Variants in KDR observed in about 807,000 individuals in gnomAD.
KDR encodes kinase insert domain receptor.
KDR carries 43 observed loss-of-function variants against 160.9 expected under a neutral mutation model. The ratio of observed to expected loss-of-function variants is 0.27; its 90% CI spans 0.21 to 0.34. The LOEUF (loss-of-function observed/expected upper bound fraction) is 0.34. Among genes scored for constraint, KDR ranks in the 10% least tolerant of loss-of-function variants. The pLI is 1.00. For synonymous variants in KDR, 617 were observed against 600.1 expected, an observed-to-expected ratio of 1.03 and a Z score of -0.41; for missense variants, 1,469 against 1,666.4, an observed-to-expected ratio of 0.88 and a Z score of 2.06.
rs373075572 is a variant in KDR at position 55,102,358 on chromosome 4, T to C, written c.2134+4A>G. 8.9e-5 allele frequency: 143 copies of C among 1,613,474 alleles called. No individual in the cohort carries two copies. The highest frequency in any genetic ancestry group is 1.1e-4 in the Non-Finnish European group (131 of 1,179,584). ...CCCAAGAGTGATAGCCAAATTCTAT[T>C]TACCTGAGTCTTCTACAAGGGTCTC... is the stretch of plus-strand genomic sequence containing the variant. On this transcript the variant is annotated splice_donor_region_variant and intron_variant, in intron 14 of 29. Coordinates refer to ENST00000263923, the MANE Select transcript of KDR (RefSeq NM_002253.4).
intron 3 of KDR, among the ~76,000 whole-genome samples, chr4:55,117,012 G>A (rs1365020856): frequency 2.6e-5 from 4 of 152,108 alleles, no homozygotes; most frequent in African/African-American, 9.7e-5. Context: ...AATAAACAGT[G>A]CTAGGGATTG....
At position 55,104,697 on chromosome 4, in the gene KDR, G is replaced by C. The variant is rs774211387; in HGVS notation, c.1933C>G (p.Gln645Glu). The C allele has an allele frequency of 1.4e-5, 23 of 1,613,700 alleles. No individual in the cohort carries two copies. Among genetic ancestry groups the C allele is most frequent in the Non-Finnish European group, 1.9e-5 (23 of 1,179,866 alleles). Residue 645 changes from glutamine (Q) to glutamate (E), a missense_variant, in exon 13 of 30, where the codon CAA becomes GAA. Coordinates refer to ENST00000263923, the MANE Select transcript of KDR (RefSeq NM_002253.4). ...QDQGDYVCLA[Q>E]DRKTKKRHCV... The stretch of plus-strand genomic sequence containing the variant: ...TGTCTTTTCTTGGTCTTCCTGTCTT[G>C]AGCAAGGCAGACATAGTCTCCTTGG...
intron 21 of KDR, among the ~76,000 whole-genome samples, chr4:55,093,797 A>G (rs1720079513): frequency 6.6e-6 from 1 of 152,134 alleles, no homozygotes; most frequent in Non-Finnish European, 1.5e-5. Context: ...CTACATCCAC[A>G]ACGCTATCTC....
Position 55,088,909 on chromosome 4 carries a change from C to A in KDR, c.3469G>T (p.Val1157Leu), listed in dbSNP as rs1560513716. The A allele has an allele frequency of 6.2e-7, 1 of 1,614,042 alleles. No homozygotes were observed. Among genetic ancestry groups the A allele is most frequent in the Non-Finnish European group, 8.5e-7 (1 of 1,180,026 alleles). Residue 1157 changes from valine to leucine, a missense_variant, in exon 26 of 30, where the codon GTG (valine) becomes TTG (leucine). By Grantham distance (32) the Val-to-Leu change is conservative. Transcript: ENST00000263923. ...TGCAAGAGATTTCCCAAATGTTCCA[C>A]CAACTCTGAAAACGTGGGTCTCTGA... is the stretch of plus-strand genomic sequence containing the variant. ...PSQRPTFSEL[V>L]EHLGNLLQAN...
chr4:55,113,713 G>A (rs149843145), intron 6 of KDR, among the ~76,000 whole-genome samples: 1 of 152,290 alleles, frequency 6.6e-6, no homozygotes, highest in East Asian at 1.9e-4. Flanking sequence ...AAGTGAGATG[G>A]ATATAAACTG....
In KDR at chr4:55,114,887, T is replaced by G; in HGVS notation, c.645A>C (p.Ile215=). The stretch of plus-strand genomic sequence containing the variant: ...ATGTCCTCTTACCTACAACGACAAC[T>G]ATGTACATAATAGACTGGTAACTTT... ...NDESYQSIMY[I]VVVVGYRIYD... Residue 215 remains isoleucine, a synonymous_variant, in exon 5 of 30, where the codon ATA becomes ATC. Transcript: ENST00000263923. 1 of 1,613,436 alleles carries G rather than the reference T, an allele frequency of 6.2e-7. No individual in the cohort carries two copies. The highest frequency in any genetic ancestry group is 8.5e-7 in the Non-Finnish European group (1 of 1,179,408).
Position 55,125,459 on chromosome 4 carries a change from G to T in KDR, c.-166C>A. Reference sequence around the variant, plus strand: ...CCGGGCGCCGACCGCGGCTGCAGGGGCGTCTGCGGGTGCCGGTAGGAGAGG... The same window carrying T: ...CCGGGCGCCGACCGCGGCTGCAGGGTCGTCTGCGGGTGCCGGTAGGAGAGG... On this transcript the variant is annotated 5_prime_UTR_variant, in exon 1 of 30. Transcript: ENST00000263923. 1 of 755,622 alleles carries T rather than the reference G, an allele frequency of 1.3e-6. No individual in the cohort carries two copies. Among genetic ancestry groups the T allele is most frequent in the Non-Finnish European group, 2.2e-6 (1 of 459,634 alleles). The allele number at this position is 755,622 out of a possible 1,614,324, so 46.8% of individuals were successfully genotyped here.
intron 1 of KDR, among the ~76,000 whole-genome samples, chr4:55,123,486 T>C (rs1720948744): frequency 6.6e-6 from 1 of 152,236 alleles, no homozygotes; most frequent in South Asian, 2.1e-4. Flanking sequence ...AGGTATGTCC[T>C]TCATTCATAG....
At chr4:55,081,921 T>G in intron 29 of KDR, 35 bp downstream of exon 29, 1 of 1,450,114 alleles carries the variant, frequency 6.9e-7, no homozygotes, top group Non-Finnish European at 9.7e-7. Context: ...AAAATTCCTA[T>G]TGAAATTTGT....
Position 55,110,432 on chromosome 4 carries a change from T to C in KDR, c.1226A>G (p.Gln409Arg), listed in dbSNP as rs2110027253. Reference sequence around the variant, plus strand: ...CACAACCAGAGAGACCACATGGCTCTGCTTCTCCTTTGAAATGGGATTGGT... The same window carrying C: ...CACAACCAGAGAGACCACATGGCTCCGCTTCTCCTTTGAAATGGGATTGGT... ...ILTNPISKEKQSHVVSLVVYV... is the reference protein window; with the variant it reads ...ILTNPISKEKRSHVVSLVVYV... Residue 409 changes from glutamine to arginine, a missense_variant, in exon 9 of 30, where the codon CAG (glutamine) becomes CGG (arginine). Around this residue, in one of 7 missense-constraint regions of KDR, gnomAD observed 792 missense variants for 840.9 expected, o/e 0.94. Coordinates refer to ENST00000263923, the MANE Select transcript of KDR (RefSeq NM_002253.4). 6.2e-7 allele frequency: 1 copy of C among 1,614,148 alleles called. No homozygotes were observed. Among genetic ancestry groups the C allele is most frequent in the Non-Finnish European group, 8.5e-7 (1 of 1,179,988 alleles).
chr4:55,120,834 G>GT, intron 2 of KDR, among the ~76,000 whole-genome samples: 1 of 103,168 alleles, frequency 9.7e-6, no homozygotes, highest in Non-Finnish European at 1.9e-5. Context: ...ATGTGGGTGT[G>GT]GGTGTGTATT....
rs562837010 is a variant in KDR at position 55,109,507 on chromosome 4, G to A, written c.1255+896C>T. Among the ~76,000 whole-genome samples, 26 of 152,178 alleles carry A rather than the reference G, an allele frequency of 1.7e-4. No homozygotes were observed. In the South Asian group the frequency reaches 4.6e-3, roughly 27 times the overall value. On this transcript the variant is annotated intron_variant, in intron 9 of 29. Coordinates refer to ENST00000263923, the MANE Select transcript of KDR (RefSeq NM_002253.4). Reference sequence around the variant, plus strand: ...AAATATCCTGAAGTTTTAATATGCCGTACCAGAAGGGGGAACAAAGAATTA... The same window carrying A: ...AAATATCCTGAAGTTTTAATATGCCATACCAGAAGGGGGAACAAAGAATTA...
intron 3 of KDR, among the ~76,000 whole-genome samples, chr4:55,116,166 CAGCACTTTGGG>C (rs1720731732): frequency 6.6e-6 from 1 of 152,130 alleles, no homozygotes; most frequent in South Asian, 2.1e-4. Flanking sequence ...CCTGTAATCC[CAGCACTTTGGG>C]AGGCTGAGGC....
At position 55,106,721 on chromosome 4, in the gene KDR, T is replaced by C; in HGVS notation, c.1502A>G (p.Lys501Arg). The C allele has an allele frequency of 6.3e-7, 1 of 1,585,750 alleles. No homozygotes were observed. Among genetic ancestry groups the C allele is most frequent in the Non-Finnish European group, 8.7e-7 (1 of 1,154,278 alleles). The part of the protein sequence containing the change: ...FQGGNKIEVN[K>R]NQFALIEGKN... ...TCCTTCAATTAGAGCAAATTGATTT[T>C]TATTAACTTCAATTTTATTTCCTCC... Residue 501 changes from lysine to arginine, a missense_variant, in exon 11 of 30, where the codon AAA becomes AGA. Lys to Arg is a conservative substitution (Grantham distance 26, BLOSUM62 2). Around this residue, in one of 7 missense-constraint regions of KDR, gnomAD observed 792 missense variants for 840.9 expected, o/e 0.94. Transcript: ENST00000263923.
intron 15 of KDR, among the ~76,000 whole-genome samples, chr4:55,101,551 A>G (rs539176745): frequency 1.3e-5 from 2 of 152,104 alleles, no homozygotes; most frequent in South Asian, 4.2e-4. Context: ...GGTTTGTTAC[A>G]CAGGTAAACA....
intron 1 of KDR, among the ~76,000 whole-genome samples, chr4:55,121,534 G>C (rs78165433): frequency 2.0e-5 from 3 of 152,170 alleles, no homozygotes; most frequent in African/African-American, 2.4e-5. Context: ...CTTGGGAAAG[G>C]ACCCACTGAC....
At chr4:55,097,819 C>A in intron 17 of KDR, 53 bp from the exon 18 acceptor site, 1 of 1,240,892 alleles carries the variant, frequency 8.1e-7, no homozygotes, top group South Asian at 1.2e-5. Flanking sequence ...ACTATACAAC[C>A]AAAGTGATAC....
rs181420054 is a variant in KDR at position 55,102,062 on chromosome 4, T to C, written c.2135-34A>G. 5.0e-5 allele frequency: 80 copies of C among 1,613,270 alleles called. No homozygotes were observed. In the Admixed American group the frequency reaches 1.3e-3, roughly 26 times the overall value. On this transcript the variant is annotated intron_variant, in intron 14 of 29. Coordinates refer to ENST00000263923, the MANE Select transcript of KDR (RefSeq NM_002253.4). ...GGAAGAAAACGATCATTCTCATTTA[T>C]GATGATGTAGTCTGTGAAGTTTTTC...
rs6832577 is a variant in KDR, at chr4:55,093,747, T to C, written c.2972-1033A>G. ...GAGTGGGTTTCTTCCACTATTCTTC[T>C]AGACTTATGCCTCAAGGGGAGCCAG... On this transcript the variant is annotated intron_variant, in intron 21 of 29. Coordinates refer to ENST00000263923, the MANE Select transcript of KDR (RefSeq NM_002253.4). Among the ~76,000 whole-genome samples the C allele has an allele frequency of 6.4e-3, 972 of 152,322 alleles. 11 individuals are homozygous for C. The highest frequency in any genetic ancestry group is 0.023 in the African/African-American group (936 of 41,572).
Sources: gnomAD v4.1 joint callset for allele counts (sites outside exome capture counted in the v4.1 genomes callset) on GRCh38, gnomAD v4.1.1 for gene constraint, gnomAD v4.1.1 regional missense constraint, MANE v1.5 for transcripts, NCBI Gene and HGNC (gene_info 2026-07-23, HGNC 2026-07-21) for gene names.